AAK1: variants seen among roughly 807,000 people sequenced by gnomAD.
The protein encoded by AAK1 is AP2-associated protein kinase 1.
In AAK1, 37 loss-of-function variants were observed where a neutral mutation model predicts 116.0. The observed-to-expected ratio is 0.32, with a 90% CI of 0.25 to 0.42. AAK1 has a LOEUF of 0.42. AAK1 is among the 10% of genes least tolerant of loss of function. The probability of loss-of-function intolerance (pLI) is 1.00; values close to 1 mark genes in which losing one functional copy is unlikely to be tolerated. For missense variants in AAK1, 919 were observed against 1,170.6 expected (o/e 0.79, Z 3.14); for synonymous variants, 458 against 439.9 (o/e 1.04, Z -0.51).
At chr2:69,632,725 C>T (rs1284775138) in intron 2 of AAK1, among the ~76,000 whole-genome samples, 1 of 151,950 alleles carries the variant, frequency 6.6e-6, no homozygotes, top group Non-Finnish European at 1.5e-5. Flanking sequence ...GGTGAAACCC[C>T]GTCTCTACTA....
intron 2 of AAK1, among the ~76,000 whole-genome samples, chr2:69,599,766 A>ATG (rs1210845897): frequency 6.6e-6 from 1 of 151,848 alleles, no homozygotes; most frequent in African/African-American, 2.4e-5. Context: ...ACAGTCTGCA[A>ATG]TGTGTGTGTG....
intron 8 of AAK1, among the ~76,000 whole-genome samples, chr2:69,529,625 T>C (rs1442267302): frequency 2.0e-5 from 3 of 152,256 alleles, no homozygotes; most frequent in Non-Finnish European, 4.4e-5. Context: ...CCAGTGAATG[T>C]ACTGCAATCA....
chr2:69,501,276 T>C (rs1379232158), intron 16 of AAK1, among the ~76,000 whole-genome samples: 1 of 151,970 alleles, frequency 6.6e-6, no homozygotes, highest in Non-Finnish European at 1.5e-5. Context: ...AAGCTAAAAG[T>C]GAAACAAAAA....
intron 2 of AAK1, among the ~76,000 whole-genome samples, chr2:69,578,042 C>G (rs778870538): frequency 4.0e-4 from 61 of 152,270 alleles, no homozygotes; most frequent in Non-Finnish European, 6.0e-4. Flanking sequence ...TTCTCCACCC[C>G]CTTCCCTCCC....
chr2:69,503,117 C>T (rs1016915152), intron 16 of AAK1, among the ~76,000 whole-genome samples: 1 of 152,168 alleles, frequency 6.6e-6, no homozygotes, highest in African/African-American at 2.4e-5. Context: ...GCAATGAAAA[C>T]ATAACCTGAG....
At chr2:69,587,408 C>CAT (rs1558982794) in intron 2 of AAK1, among the ~76,000 whole-genome samples, 8 of 150,360 alleles carry the variant, frequency 5.3e-5, no homozygotes, top group African/African-American at 2.0e-4. Context: ...CATATATACA[C>CAT]ATGTGTATAT....
At chr2:69,635,772 CAGAGGCT>C (rs1675417744) in intron 2 of AAK1, among the ~76,000 whole-genome samples, 1 of 152,038 alleles carries the variant, frequency 6.6e-6, no homozygotes, top group South Asian at 2.1e-4. Context: ...CGCTGGTTGC[CAGAGGCT>C]AGAGAGAGGT....
chr2:69,643,541 C>A, intron 1 of AAK1, 34 bp downstream of exon 1: 1 of 1,227,722 alleles, frequency 8.1e-7, no homozygotes, highest in Non-Finnish European at 1.0e-6. Flanking sequence ...GGTCTCCCCG[C>A]CGCCCCTCGA....
chr2:69,464,208 ACAAC>A lies in AAK1; in HGVS notation c.*11657_*11660del, dbSNP rs1173559373. The stretch of plus-strand genomic sequence containing the variant: ...TAGAGATTTGGAAACAACAACAACA[ACAAC>A]AACAACAACAACAAAACCACCCCAA... On this transcript the variant is annotated 3_prime_UTR_variant, in exon 22 of 22. Coordinates refer to ENST00000409085, the MANE Select transcript of AAK1 (RefSeq NM_014911.5). The A allele has an allele frequency of 3.4e-3, 517 of 151,700 alleles. 2 individuals carry two copies. Among genetic ancestry groups the A allele is most frequent in the African/African-American group, 0.01 (414 of 41,070 alleles). 9.4% of individuals were successfully genotyped at this position (151,700 alleles called of 1,614,324 possible). A position where few individuals can be genotyped will look rare whatever the true frequency, so the allele number is the denominator to read the frequency against.
rs758676216 is a variant in AAK1, at chr2:69,474,175, G to T, written c.*1694C>A. On this transcript the variant is annotated 3_prime_UTR_variant, in exon 22 of 22. Transcript: ENST00000409085. ...ATGCAGTGTTTTATAGGCTGTTGTT[G>T]CTGTTAAACTTTTTTCCCCCATAAA... The T allele has an allele frequency of 1.0e-6, 1 of 985,700 alleles. No individual in the cohort carries two copies. Among genetic ancestry groups the T allele is most frequent in the South Asian group, 4.7e-5 (1 of 21,292 alleles). The allele number at this position is 985,700 out of a possible 1,614,324, so 61.1% of individuals were successfully genotyped here. A position where few individuals can be genotyped will look rare whatever the true frequency, so the allele number is the denominator to read the frequency against.
At chr2:69,549,338 C>T (rs1474506032) in intron 3 of AAK1, among the ~76,000 whole-genome samples, 1 of 152,128 alleles carries the variant, frequency 6.6e-6, no homozygotes, top group East Asian at 1.9e-4. Context: ...CACTGCACTC[C>T]AGCCTGGGTG....
chr2:69,488,938 T>A (rs1338140058), intron 17 of AAK1, among the ~76,000 whole-genome samples: 2 of 151,684 alleles, frequency 1.3e-5, no homozygotes, highest in African/African-American at 2.4e-5. Context: ...ACACTTGTAA[T>A]CCCAGCACTC....
chr2:69,475,299 A>G lies in AAK1; in HGVS notation c.*570T>C. On this transcript the variant is annotated 3_prime_UTR_variant, in exon 22 of 22. Coordinates refer to ENST00000409085, the MANE Select transcript of AAK1 (RefSeq NM_014911.5). ...AGAGCTGGGCTCAATTTCTCTTCTC[A>G]AATATATACTACCAGTCAGTAAGTT... 2.0e-6 allele frequency: 2 copies of G among 985,894 alleles called. No homozygotes were observed. Among genetic ancestry groups the G allele is most frequent in the Non-Finnish European group, 2.4e-6 (2 of 830,066 alleles). 61.1% of individuals were successfully genotyped at this position (985,894 alleles called of 1,614,324 possible). A position where few individuals can be genotyped will look rare whatever the true frequency, so the allele number is the denominator to read the frequency against.
chr2:69,560,475 CTG>C (rs1259317604), intron 2 of AAK1, among the ~76,000 whole-genome samples: 9 of 152,216 alleles, frequency 5.9e-5, no homozygotes, highest in Non-Finnish European at 7.3e-5. Context: ...ATTCAGTAGC[CTG>C]TGTCAGTCTC....
chr2:69,505,459 G>A (rs1046057147), intron 16 of AAK1, 110 bp downstream of exon 16: 3 of 688,548 alleles, frequency 4.4e-6, no homozygotes, highest in African/African-American at 1.8e-5. Flanking sequence ...TATATACACG[G>A]TACTGCCAGG....
intron 2 of AAK1, among the ~76,000 whole-genome samples, chr2:69,581,979 T>A (rs933969826): frequency 2.1e-5 from 3 of 145,562 alleles, no homozygotes; most frequent in South Asian, 2.2e-4. Flanking sequence ...GCCCTGTCTT[T>A]AAAAAAAAAA....
rs528598652 is a variant in AAK1 at position 69,458,076 on chromosome 2, C to G, written c.*17793G>C. On this transcript the variant is annotated 3_prime_UTR_variant, in exon 22 of 22. Transcript: ENST00000409085. Reference sequence around the variant, plus strand: ...ATTCATAAAACCTATCAGATACATACGATAAATCACACCGAGAGTGCAATA... The same window carrying G: ...ATTCATAAAACCTATCAGATACATAGGATAAATCACACCGAGAGTGCAATA... 1.3e-5 allele frequency: 2 copies of G among 152,054 alleles called. No individual in the cohort carries two copies. The highest frequency in any genetic ancestry group is 6.6e-5 in the Admixed American group (1 of 15,266). The allele number at this position is 152,054 out of a possible 1,614,324, so 9.4% of individuals were successfully genotyped here. A position where few individuals can be genotyped will look rare whatever the true frequency, so the allele number is the denominator to read the frequency against.
At chr2:69,483,924 C>T (rs1675191868) in intron 17 of AAK1, among the ~76,000 whole-genome samples, 1 of 152,142 alleles carries the variant, frequency 6.6e-6, no homozygotes, top group African/African-American at 2.4e-5. Flanking sequence ...ATCAAGAACC[C>T]TCTATTTACC....
intron 13 of AAK1, among the ~76,000 whole-genome samples, chr2:69,513,954 G>A (rs1266976618): frequency 6.6e-6 from 1 of 152,154 alleles, no homozygotes; most frequent in Non-Finnish European, 1.5e-5. Flanking sequence ...AGATGCTCTG[G>A]TACCCAGGGG....
Sources: gnomAD v4.1 joint callset for allele counts (sites outside exome capture counted in the v4.1 genomes callset) on GRCh38, gnomAD v4.1.1 for gene constraint, MANE v1.5 for transcripts, NCBI Gene and HGNC (gene_info 2026-07-23, HGNC 2026-07-21) for gene names.